The following MANBA variants were observed in gnomAD, a reference collection of about 807,000 sequenced individuals.
MANBA encodes mannosidase beta.
In MANBA, 83 loss-of-function variants were observed where a neutral mutation model predicts 111.1. That is an observed-to-expected ratio of 0.75 (90% CI 0.63 to 0.90). The LOEUF is 0.90. Ranked by LOEUF, MANBA falls within the 40% of genes least tolerant of loss-of-function variation. The pLI is 0.00. For synonymous variants in MANBA, 370 were observed against 378.7 expected, an observed-to-expected ratio of 0.98 and a Z score of 0.27; for missense variants, 1,036 against 1,069.0, an observed-to-expected ratio of 0.97 and a Z score of 0.43.
rs770786262 is a variant in MANBA, at chr4:102,635,853, C to T, written c.2157+12G>A. The T allele has an allele frequency of 2.7e-5, 43 of 1,608,608 alleles. No homozygotes were observed. In the South Asian group the frequency reaches 4.4e-4, roughly 16 times the overall value. The stretch of plus-strand genomic sequence containing the variant: ...TCTCCTTCGATCTTAGAAAACAATC[C>T]AAGTAACTTACACTGAGTGTCATCG... On this transcript the variant is annotated intron_variant, in intron 15 of 16. Coordinates refer to ENST00000647097, the MANE Select transcript of MANBA (RefSeq NM_005908.4).
intron 13 of MANBA, 102 bp downstream of exon 13, chr4:102,650,435 T>G: frequency 2.5e-6 from 3 of 1,204,748 alleles, no homozygotes; most frequent in Non-Finnish European, 3.7e-6. Flanking sequence ...ACCAGTGGAA[T>G]GAAAACCTGA....
chr4:102,677,100 T>C (rs1299612189), intron 7 of MANBA, among the ~76,000 whole-genome samples: 1 of 152,008 alleles, frequency 6.6e-6, no homozygotes, highest in African/African-American at 2.4e-5. Context: ...ATTAATAGAG[T>C]TGTATGTAAG....
Position 102,752,567 on chromosome 4 carries a change from C to T in MANBA, c.177+8151G>A, listed in dbSNP as rs940447388. 5 of 667,378 alleles carry T rather than the reference C, an allele frequency of 7.5e-6. No individual in the cohort carries two copies. The African/African-American group carries it at 8.9e-5, about 12-fold the overall frequency. 41.3% of individuals were successfully genotyped at this position (667,378 alleles called of 1,614,324 possible). ...TAGACTGGATAGGGACACAGGGCTA[C>T]TTTTCAGTGGACAAGCAGACAATAA... is the stretch of plus-strand genomic sequence containing the variant. On this transcript the variant is annotated intron_variant, in intron 1 of 16. Transcript: ENST00000647097.
At position 102,689,689 on chromosome 4, in the gene MANBA, T is replaced by A. The variant is rs1732389185; in HGVS notation, c.850-5A>T. ...CCAAGTTTCTACAGTAATATTCTTTTAAGAAAATTTAAAAGTCACTCTAAT... is the reference window on the plus strand; with the variant it reads ...CCAAGTTTCTACAGTAATATTCTTTAAAGAAAATTTAAAAGTCACTCTAAT... On this transcript the variant is annotated splice_region_variant and splice_polypyrimidine_tract_variant and intron_variant, in intron 6 of 16. Transcript: ENST00000647097. The A allele has an allele frequency of 7.3e-6, 11 of 1,513,326 alleles. No homozygotes were observed. The highest frequency in any genetic ancestry group is 1.7e-4 in the Middle Eastern group (1 of 5,878). 93.7% of individuals were successfully genotyped at this position (1,513,326 alleles called of 1,614,324 possible).
At chr4:102,746,411 G>T (rs1723588156) in intron 1 of MANBA, among the ~76,000 whole-genome samples, 1 of 152,176 alleles carries the variant, frequency 6.6e-6, no homozygotes, top group Non-Finnish European at 1.5e-5. Context: ...TCTAGCAGGT[G>T]TGAGGCTCAG....
At chr4:102,755,220 A>C in intron 1 of MANBA, among the ~76,000 whole-genome samples, 1 of 152,226 alleles carries the variant, frequency 6.6e-6, no homozygotes, top group Non-Finnish European at 1.5e-5. Context: ...ACTTCAAACT[A>C]TACTACAAGG....
intron 1 of MANBA, chr4:102,753,600 T>C (rs1229968942): frequency 2.0e-5 from 3 of 152,590 alleles, no homozygotes; most frequent in Non-Finnish European, 2.9e-5. Flanking sequence ...ACTATAAAGA[T>C]AGCTGAGAGG....
chr4:102,722,112 G>C (rs970780699), intron 4 of MANBA, among the ~76,000 whole-genome samples: 2 of 151,430 alleles, frequency 1.3e-5, no homozygotes, highest in Admixed American at 1.3e-4. Context: ...GAAATGGAGA[G>C]CTATTGTTTA....
chr4:102,706,062 G>T (rs116678022), intron 5 of MANBA, among the ~76,000 whole-genome samples: 1,687 of 152,168 alleles, frequency 0.011, 41 homozygotes, highest in African/African-American at 0.038. Flanking sequence ...GCTGTCCAGG[G>T]GCCTGAAGAC....
intron 5 of MANBA, among the ~76,000 whole-genome samples, chr4:102,706,747 A>G (rs1219808000): frequency 1.3e-5 from 2 of 152,194 alleles, no homozygotes; most frequent in Admixed American, 1.3e-4. Flanking sequence ...CAAAACAGAC[A>G]GATATAATAA....
At chr4:102,639,687 C>T (rs371299400) in intron 14 of MANBA, 26 bp downstream of exon 14, 38 of 1,613,794 alleles carry the variant, frequency 2.4e-5, no homozygotes, top group Admixed American at 8.3e-5. Flanking sequence ...TTCTCTCACT[C>T]GCACAAAGAA....
At chr4:102,745,690 C>G (rs1232827896) in intron 1 of MANBA, among the ~76,000 whole-genome samples, 1 of 152,178 alleles carries the variant, frequency 6.6e-6, no homozygotes, top group Non-Finnish European at 1.5e-5. Context: ...CCTTTTTTAA[C>G]TCCCTGAGCT....
In MANBA at chr4:102,723,209, T is replaced by C. The variant is rs140752392; in HGVS notation, c.379-168A>G. ...CTGAAACACTGTAGTATCTATCACT[T>C]AGTTGCCCACTTTTAGTTAAAACTA... is the stretch of plus-strand genomic sequence containing the variant. On this transcript the variant is annotated intron_variant, in intron 3 of 16. Transcript: ENST00000647097. Among the ~76,000 whole-genome samples the C allele has an allele frequency of 4.7e-3, 710 of 152,362 alleles. 3 individuals carry two copies. Among genetic ancestry groups the C allele is most frequent in the Middle Eastern group, 0.01 (3 of 294 alleles).
chr4:102,692,254 G>A (rs1732513548), intron 5 of MANBA, among the ~76,000 whole-genome samples: 1 of 152,158 alleles, frequency 6.6e-6, no homozygotes, highest in Non-Finnish European at 1.5e-5. Flanking sequence ...CAGGAACAGA[G>A]AGGAGGCAAA....
At chr4:102,684,610 A>G (rs957215461) in intron 7 of MANBA, among the ~76,000 whole-genome samples, 2 of 152,210 alleles carry the variant, frequency 1.3e-5, no homozygotes, top group Admixed American at 6.5e-5. Context: ...AGACAAACTT[A>G]CAGTTACACA....
rs892583192 is a variant in MANBA at position 102,633,774 on chromosome 4, GGT to G, written c.2415+1012_2415+1013del. 1.5e-3 allele frequency among the ~76,000 whole-genome samples: 48 copies of G among 32,000 alleles called. 1 individual carries two copies. The highest frequency in any genetic ancestry group is 7.1e-3 in the African/African-American group (41 of 5,792). The allele number at this position is 32,000 out of a possible 152,430, so 21.0% of individuals were successfully genotyped here. ...ACTGAAAATTCATCCAGTACATAGT[GGT>G]TTTTTTTTTCTTTTTTGGAAAAAAA... On this transcript the variant is annotated intron_variant, in intron 16 of 16. Transcript: ENST00000647097.
At chr4:102,671,505 T>C (rs1731498242) in intron 8 of MANBA, 107 bp from the exon 9 acceptor site, 1 of 722,202 alleles carries the variant, frequency 1.4e-6, no homozygotes, top group African/African-American at 1.8e-5. Context: ...AAAATCATGA[T>C]GGTTTGGTTA....
intron 1 of MANBA, among the ~76,000 whole-genome samples, chr4:102,746,895 C>T (rs1394851225): frequency 1.3e-5 from 2 of 151,558 alleles, no homozygotes; most frequent in African/African-American, 2.4e-5. Context: ...TGCCGTGAAC[C>T]CAGGAGTCAG....
chr4:102,717,263 T>C (rs76498519), intron 4 of MANBA, among the ~76,000 whole-genome samples: 4,552 of 151,876 alleles, frequency 0.03, 81 homozygotes, highest in Non-Finnish European at 0.045. Context: ...AATTCAAGCA[T>C]TGAATAAATA....
Sources: gnomAD v4.1 joint callset for allele counts (sites outside exome capture counted in the v4.1 genomes callset) on GRCh38, gnomAD v4.1.1 for gene constraint, MANE v1.5 for transcripts, NCBI Gene and HGNC (gene_info 2026-07-23, HGNC 2026-07-21) for gene names.